Variants in STK33 observed in about 807,000 individuals in gnomAD.
The protein encoded by STK33 is serine/threonine kinase 33.
Under a neutral mutation model 58.0 loss-of-function variants are expected in STK33, and 52 were observed. That is an observed-to-expected ratio of 0.90 (90% confidence interval 0.72 to 1.13). The LOEUF (loss-of-function observed/expected upper bound fraction) is 1.13. STK33 is among the 50% of genes most tolerant of loss of function. STK33 has a pLI of 0.00. For synonymous variants in STK33, 215 were observed against 200.1 expected (o/e 1.07, Z -0.63); for missense variants, 630 against 604.2 (o/e 1.04, Z -0.45).
intron 5 of STK33, among the ~76,000 whole-genome samples, chr11:8,473,639 A>C (rs7126013): frequency 0.61 from 92,393 of 152,056 alleles, 28,410 homozygotes; most frequent in African/African-American, 0.67. Flanking sequence ...ACAGCTTATA[A>C]GTAAATTATT....
intron 1 of STK33, among the ~76,000 whole-genome samples, chr11:8,576,893 A>G (rs953569770): frequency 5.9e-5 from 9 of 152,194 alleles, no homozygotes; most frequent in African/African-American, 2.2e-4. Context: ...AGACTACTGG[A>G]TGACTTTAAA....
chr11:8,447,143 G>A (rs1945586228), intron 11 of STK33, among the ~76,000 whole-genome samples: 3 of 151,672 alleles, frequency 2.0e-5, no homozygotes, highest in Admixed American at 2.0e-4. Context: ...ATCAAAACGT[G>A]GGCAAAGGAT....
intron 1 of STK33, among the ~76,000 whole-genome samples, chr11:8,556,719 A>G (rs2140823988): frequency 6.6e-6 from 1 of 152,278 alleles, no homozygotes. Flanking sequence ...GTCACTAATT[A>G]ATTAAAGTCT....
intron 1 of STK33, among the ~76,000 whole-genome samples, chr11:8,585,400 T>G (rs989874452): frequency 2.0e-5 from 3 of 149,908 alleles, no homozygotes; most frequent in Non-Finnish European, 4.4e-5. Context: ...AATTTTTGTA[T>G]TTTTAGTAGA....
chr11:8,433,463 G>A (rs1487863999), intron 14 of STK33, among the ~76,000 whole-genome samples: 1 of 151,996 alleles, frequency 6.6e-6, no homozygotes, highest in Non-Finnish European at 1.5e-5. Context: ...GCTTTAAGTG[G>A]TGTTTGTATA....
At chr11:8,501,751 T>C (rs1951529561) in intron 1 of STK33, among the ~76,000 whole-genome samples, 1 of 152,194 alleles carries the variant, frequency 6.6e-6, no homozygotes, top group African/African-American at 2.4e-5. Flanking sequence ...AGCAGCATTA[T>C]TCATAATAGC....
Position 8,474,985 on chromosome 11 carries a change from TAGTTGATGGTGAAAA to T in STK33, c.-95_-81del. The T allele has an allele frequency of 7.4e-7, 1 of 1,347,084 alleles. No individual in the cohort carries two copies. The highest frequency in any genetic ancestry group is 2.4e-5 in the East Asian group (1 of 41,882). The allele number at this position is 1,347,084 out of a possible 1,614,324, so 83.4% of individuals were successfully genotyped here. A position where few individuals can be genotyped will look rare whatever the true frequency, so the allele number is the denominator to read the frequency against. ...GAAAACCAGGCCAAAAAGGATAAGG[TAGTTGATGGTGAAAA>T]CTGTAATTTCGAACTGGTGAAGTCC... On this transcript the variant is annotated 5_prime_UTR_variant, in exon 5 of 16. Transcript: ENST00000687296.
intron 1 of STK33, among the ~76,000 whole-genome samples, chr11:8,554,591 C>G (rs556129180): frequency 1.3e-5 from 2 of 152,038 alleles, no homozygotes; most frequent in South Asian, 4.1e-4. Flanking sequence ...TGGCTGTTAT[C>G]AAAAAGATGA....
At chr11:8,480,355 G>A (rs1337492883) in intron 2 of STK33, 55 bp downstream of exon 2, 1 of 152,148 alleles carries the variant, frequency 6.6e-6, no homozygotes, top group Admixed American at 6.5e-5. Flanking sequence ...CACTCCCAAC[G>A]ATCATCTGAG....
chr11:8,586,312 T>C (rs184944554), intron 1 of STK33, among the ~76,000 whole-genome samples: 44 of 152,104 alleles, frequency 2.9e-4, no homozygotes, highest in African/African-American at 9.9e-4. Flanking sequence ...TGTCCAGTCA[T>C]TGTCTGCCAT....
At chr11:8,442,639 A>C (rs917069960) in intron 11 of STK33, among the ~76,000 whole-genome samples, 2 of 152,232 alleles carry the variant, frequency 1.3e-5, no homozygotes, top group African/African-American at 4.8e-5. Context: ...TATTTTCCCC[A>C]TGTAACTACA....
At chr11:8,446,000 T>A (rs1022171791) in intron 11 of STK33, among the ~76,000 whole-genome samples, 10 of 152,136 alleles carry the variant, frequency 6.6e-5, no homozygotes, top group African/African-American at 2.4e-4. Context: ...TGTGAATCGG[T>A]CTGGTCCTGG....
intron 12 of STK33, among the ~76,000 whole-genome samples, chr11:8,438,741 G>C (rs1944370204): frequency 1.3e-5 from 2 of 152,094 alleles, no homozygotes; most frequent in Admixed American, 1.3e-4. Context: ...CATAATATTA[G>C]ATTATATATA....
At chr11:8,541,002 A>C (rs907161041) in intron 1 of STK33, among the ~76,000 whole-genome samples, 49 of 151,258 alleles carry the variant, frequency 3.2e-4, no homozygotes, top group South Asian at 1.2e-3. Flanking sequence ...CTCTATATAT[A>C]TATATATATA....
chr11:8,393,655 C>G (rs1848881072), intron 15 of STK33, among the ~76,000 whole-genome samples: 1 of 152,156 alleles, frequency 6.6e-6, no homozygotes, highest in Non-Finnish European at 1.5e-5. Context: ...CTCTGGTTAC[C>G]TGAAAGTCAC....
intron 15 of STK33, among the ~76,000 whole-genome samples, chr11:8,402,914 G>A (rs1938372033): frequency 6.6e-6 from 1 of 152,216 alleles, no homozygotes; most frequent in African/African-American, 2.4e-5. Flanking sequence ...GGATTCCTCA[G>A]GGATCTATGC....
chr11:8,475,978 T>C (rs1949231396), intron 4 of STK33, among the ~76,000 whole-genome samples: 1 of 152,214 alleles, frequency 6.6e-6, no homozygotes, highest in East Asian at 1.9e-4. Context: ...TTTATTTCAT[T>C]AAAGAAATAC....
Position 8,392,375 on chromosome 11 carries a change from A to C in STK33, c.*135T>G. On this transcript the variant is annotated 3_prime_UTR_variant, in exon 16 of 16. Transcript: ENST00000687296. ...AGCAGCTTCAATTTTAAGCTGGTGC[A>C]AACACATGGCGGGGCTCTGTGGAGC... 1.9e-6 allele frequency: 2 copies of C among 1,033,458 alleles called. No individual in the cohort carries two copies. The highest frequency in any genetic ancestry group is 2.9e-6 in the Non-Finnish European group (2 of 694,296). The allele number at this position is 1,033,458 out of a possible 1,614,324, so 64.0% of individuals were successfully genotyped here.
Position 8,407,679 on chromosome 11 carries a change from AAAAAAAAAG to A in STK33, c.1344+5807_1344+5815del, listed in dbSNP as rs553264227. On this transcript the variant is annotated intron_variant, in intron 15 of 15. Transcript: ENST00000687296. ...AGAAAGTATCCAATGTAAAGAATAG[AAAAAAAAAG>A]ATTAAAAAATGGATAGTGCCTCAGG... is the stretch of plus-strand genomic sequence containing the variant. Among the ~76,000 whole-genome samples the A allele has an allele frequency of 3.3e-3, 507 of 151,580 alleles. 5 individuals are homozygous for A. Among genetic ancestry groups the A allele is most frequent in the African/African-American group, 0.012 (487 of 41,344 alleles).
Sources: allele counts gnomAD v4.1 joint callset (sites outside exome capture counted in the v4.1 genomes callset), GRCh38; gene constraint gnomAD v4.1.1; transcripts MANE v1.5; gene names NCBI Gene and HGNC (gene_info 2026-07-23, HGNC 2026-07-21).